Variants in PRDM2 observed in about 807,000 individuals in gnomAD.
PRDM2 encodes the protein PR/SET domain 2, also known as PR domain zinc finger protein 2.
In PRDM2, 30 loss-of-function variants were observed where a neutral mutation model predicts 130.0. The observed-to-expected ratio is 0.23, with a 90% confidence interval of 0.17 to 0.31. PRDM2 has a LOEUF of 0.31. Among genes scored for constraint, PRDM2 ranks in the 10% least tolerant of loss-of-function variants. PRDM2 has a pLI of 1.00. For synonymous variants in PRDM2, 871 were observed against 782.4 expected (o/e 1.11, Z -1.89); for missense variants, 2,011 against 2,108.4 (o/e 0.95, Z 0.90).
intron 7 of PRDM2, 43 bp from the exon 8 acceptor site, chr1:13,778,375 C>T (rs1374875792): frequency 2.6e-6 from 4 of 1,529,102 alleles, no homozygotes; most frequent in Non-Finnish European, 3.5e-6. Context: ...TAGCTGGTTT[C>T]CCATGCTTCA....
At chr1:13,817,490 G>A (rs1645276163) in intron 9 of PRDM2, among the ~76,000 whole-genome samples, 2 of 151,832 alleles carry the variant, frequency 1.3e-5, no homozygotes, top group South Asian at 4.1e-4. Flanking sequence ...CCACGAGCAG[G>A]CTTGGCCCTC....
rs1211154152 is a variant in PRDM2, at chr1:13,717,407, A to G, written c.9+1793A>G. 3 of 985,378 alleles carry G rather than the reference A, an allele frequency of 3.0e-6. No individual in the cohort carries two copies. In the East Asian group the frequency reaches 3.4e-4, roughly 112 times the overall value. 61.0% of individuals were successfully genotyped at this position (985,378 alleles called of 1,614,324 possible). A position where few individuals can be genotyped will look rare whatever the true frequency, so the allele number is the denominator to read the frequency against. On this transcript the variant is annotated intron_variant, in intron 2 of 9. Coordinates refer to ENST00000311066, the MANE Select transcript of PRDM2 (RefSeq NM_001393986.1). ...GAACTGTTTTGTTGGAGGAGTCTTGATCCTGCGTTAGAATGGTTGTGAGTT... is the reference window on the plus strand; with the variant it reads ...GAACTGTTTTGTTGGAGGAGTCTTGGTCCTGCGTTAGAATGGTTGTGAGTT...
At chr1:13,752,848 A>G (rs1643873953) in intron 6 of PRDM2, among the ~76,000 whole-genome samples, 2 of 152,330 alleles carry the variant, frequency 1.3e-5, no homozygotes, top group African/African-American at 4.8e-5. Context: ...CCTAGCCTTA[A>G]AAATGAATAT....
At chr1:13,784,846 G>A (rs1404519471) in intron 8 of PRDM2, among the ~76,000 whole-genome samples, 2 of 152,190 alleles carry the variant, frequency 1.3e-5, no homozygotes, top group African/African-American at 4.8e-5. Flanking sequence ...TGAGGTGCTG[G>A]AACTGTGCTG....
intron 8 of PRDM2, among the ~76,000 whole-genome samples, chr1:13,809,785 C>A (rs958567854): frequency 1.3e-5 from 2 of 152,134 alleles, no homozygotes; most frequent in Admixed American, 1.3e-4. Flanking sequence ...TGACTCTGGG[C>A]AAGTTGTCTT....
In PRDM2 at chr1:13,728,621, A is replaced by G. The variant is rs112346160; in HGVS notation, c.10-2379A>G. Among the ~76,000 whole-genome samples, 83 of 151,930 alleles carry G rather than the reference A, an allele frequency of 5.5e-4. 2 individuals carry two copies. The highest frequency in any genetic ancestry group is 2.0e-3 in the African/African-American group (81 of 41,532). On this transcript the variant is annotated intron_variant, in intron 2 of 9. Transcript: ENST00000311066. ...TGTGAAGGATACGACAATAACAGAA[A>G]AAGCTTTCCTCTGCTGGGTGTATGA...
chr1:13,805,765 A>G (rs751677455), intron 8 of PRDM2, among the ~76,000 whole-genome samples: 1 of 152,102 alleles, frequency 6.6e-6, no homozygotes, highest in Non-Finnish European at 1.5e-5. Context: ...GTCCCAGGAG[A>G]TCCCTCCTGA....
chr1:13,743,137 C>T lies in PRDM2; in HGVS notation c.384+980C>T, dbSNP rs549399747. 3.9e-5 allele frequency among the ~76,000 whole-genome samples: 6 copies of T among 152,172 alleles called. No homozygotes were observed. In the East Asian group the frequency reaches 7.7e-4, roughly 20 times the overall value. On this transcript the variant is annotated intron_variant, in intron 5 of 9. Transcript: ENST00000311066. ...AGATCCGGACGGGCGCAGTGGCTCA[C>T]GCCTGTAATCCCAGCGCTTTGGGAG...
intron 8 of PRDM2, among the ~76,000 whole-genome samples, chr1:13,800,818 A>G (rs1644995397): frequency 6.6e-6 from 1 of 152,184 alleles, no homozygotes; most frequent in African/African-American, 2.4e-5. Flanking sequence ...TCCTCTCATA[A>G]GAGCCTCTCT....
intron 1 of PRDM2, among the ~76,000 whole-genome samples, chr1:13,711,490 G>A (rs1569680134): frequency 6.6e-6 from 1 of 152,304 alleles, no homozygotes; most frequent in East Asian, 1.9e-4. Context: ...ATGATTGGAG[G>A]CACTGCCAGT....
Position 13,824,924 on chromosome 1 carries a change from C to T in PRDM2, c.*1789C>T, listed in dbSNP as rs1645408622. ...TGTGCTGGTCACCCTTCAACGCTCC[C>T]AGACGGTCAGGAAAACTGTTCCAAT... is the stretch of plus-strand genomic sequence containing the variant. On this transcript the variant is annotated 3_prime_UTR_variant, in exon 10 of 10. Coordinates refer to ENST00000311066, the MANE Select transcript of PRDM2 (RefSeq NM_001393986.1). 1 of 152,644 alleles carries T rather than the reference C, an allele frequency of 6.6e-6. No homozygotes were observed. Among genetic ancestry groups the T allele is most frequent in the Admixed American group, 6.5e-5 (1 of 15,288 alleles). The allele number at this position is 152,644 out of a possible 1,614,324, so 9.5% of individuals were successfully genotyped here. A position where few individuals can be genotyped will look rare whatever the true frequency, so the allele number is the denominator to read the frequency against.
At chr1:13,701,421 T>G (rs563458093) in intron 1 of PRDM2, among the ~76,000 whole-genome samples, 11 of 152,188 alleles carry the variant, frequency 7.2e-5, no homozygotes, top group Non-Finnish European at 1.3e-4. Context: ...TCGCCTCGGT[T>G]TGATCAGTTG....
intron 1 of PRDM2, among the ~76,000 whole-genome samples, chr1:13,706,500 A>G (rs889078241): frequency 2.0e-5 from 3 of 152,124 alleles, no homozygotes; most frequent in Admixed American, 1.3e-4. Context: ...ACCTTTTGGA[A>G]TAGGGTGTGG....
chr1:13,816,925 TCA>T (rs1645267171), intron 9 of PRDM2, among the ~76,000 whole-genome samples: 1 of 152,242 alleles, frequency 6.6e-6, no homozygotes, highest in Admixed American at 6.5e-5. Flanking sequence ...AGAGTGTCTG[TCA>T]CATAGTAAGC....
At position 13,773,202 on chromosome 1, in the gene PRDM2, A is replaced by G. The variant is rs1644396090; in HGVS notation, c.622+14A>G. The G allele has an allele frequency of 1.3e-6, 2 of 1,487,416 alleles. No individual in the cohort carries two copies. Among genetic ancestry groups the G allele is most frequent in the Non-Finnish European group, 9.1e-7 (1 of 1,104,808 alleles). The allele number at this position is 1,487,416 out of a possible 1,614,324, so 92.1% of individuals were successfully genotyped here. ...ATTCTGCAGAAGGTAAGCTTGTGAT[A>G]TTGGCTTGGTCTGAATTGGGTGTGT... On this transcript the variant is annotated intron_variant, in intron 7 of 9. Transcript: ENST00000311066.
In PRDM2 at chr1:13,780,384, G is replaced by T. The variant is rs371217046; in HGVS notation, c.2589G>T (p.Lys863Asn). Residue 863 changes from lysine to asparagine, a missense_variant, in exon 8 of 10, where the codon AAG (lysine) becomes AAT (asparagine). Around this residue, in one of 5 missense-constraint regions of PRDM2, gnomAD observed 1,288 missense variants for 1,237.7 expected, o/e 1.04. Coordinates refer to ENST00000311066, the MANE Select transcript of PRDM2 (RefSeq NM_001393986.1). ...AGCATTGTAGTGACTCTGAAGGCAA[G>T]GAATTCAAAGAAAGTCATTCAGTGC... ...HKKHCSDSEG[K>N]EFKESHSVQP... 3.7e-6 allele frequency: 6 copies of T among 1,614,162 alleles called. No homozygotes were observed. Among genetic ancestry groups the T allele is most frequent in the Non-Finnish European group, 5.1e-6 (6 of 1,180,040 alleles).
chr1:13,797,765 A>C (rs901357715), intron 8 of PRDM2, among the ~76,000 whole-genome samples: 2 of 152,122 alleles, frequency 1.3e-5, no homozygotes, highest in Non-Finnish European at 2.9e-5. Context: ...AGACCTACTA[A>C]ACCATAATCT....
In PRDM2 at chr1:13,787,458, A is replaced by T. The variant is rs564967080; in HGVS notation, c.5036+4627A>T. 7,132 of 985,260 alleles carry T rather than the reference A, an allele frequency of 7.2e-3. 33 individuals carry two copies. Among genetic ancestry groups the T allele is most frequent in the Non-Finnish European group, 8.2e-3 (6,783 of 829,800 alleles). The allele number at this position is 985,260 out of a possible 1,614,324, so 61.0% of individuals were successfully genotyped here. On this transcript the variant is annotated intron_variant, in intron 8 of 9. Transcript: ENST00000311066. Reference sequence around the variant, plus strand: ...AGTTGGTGGAAAGCGGCTAGGTTTTATTCATACTGTTTTTTGTTCTCAACT... The same window carrying T: ...AGTTGGTGGAAAGCGGCTAGGTTTTTTTCATACTGTTTTTTGTTCTCAACT...
intron 2 of PRDM2, among the ~76,000 whole-genome samples, chr1:13,719,032 A>G (rs1569721724): frequency 6.6e-6 from 1 of 152,194 alleles, no homozygotes; most frequent in African/African-American, 2.4e-5. Context: ...TGCCAGTAAC[A>G]TACTCCAAGA....
Sources: allele counts gnomAD v4.1 joint callset (sites outside exome capture counted in the v4.1 genomes callset), GRCh38; gene constraint gnomAD v4.1.1; regional missense constraint gnomAD v4.1.1; transcripts MANE v1.5; gene names NCBI Gene and HGNC (gene_info 2026-07-23, HGNC 2026-07-21).